Variants in DHX40 observed in about 807,000 individuals in gnomAD.
DHX40 encodes the protein DEAH-box helicase 40.
DHX40 carries 28 observed loss-of-function variants against 89.6 expected under a neutral mutation model. The ratio of observed to expected loss-of-function variants is 0.31; its 90% CI spans 0.23 to 0.43. The LOEUF (loss-of-function observed/expected upper bound fraction) is 0.43, where lower values mean the gene tolerates loss of function less well. Among genes scored for constraint, DHX40 ranks in the 20% least tolerant of loss-of-function variants. The pLI, the probability that DHX40 is intolerant of heterozygous loss-of-function variation, is 1.00. For synonymous variants in DHX40, 226 were observed against 283.6 expected (o/e 0.80, Z 2.04); for missense variants, 457 against 844.0 (o/e 0.54, Z 5.68).
chr17:59,566,599 T>C (rs964087555), intron 1 of DHX40, 28 bp from the exon 2 acceptor site: 3 of 1,555,904 alleles, frequency 1.9e-6, no homozygotes, highest in Non-Finnish European at 2.6e-6. Flanking sequence ...ACAAGTCTTT[T>C]AATTGACTTG....
intron 12 of DHX40, among the ~76,000 whole-genome samples, chr17:59,588,301 T>G (rs865976465): frequency 0.011 from 1,622 of 150,154 alleles, 17 homozygotes; most frequent in African/African-American, 0.021. Flanking sequence ...CAGAAAAATT[T>G]AGTAGGAAGT....
chr17:59,605,051 A>C, intron 15 of DHX40, 64 bp from the exon 16 acceptor site: 4 of 1,335,430 alleles, frequency 3.0e-6, no homozygotes, highest in Non-Finnish European at 4.3e-6. Flanking sequence ...TGCTGAATGT[A>C]ATGCTCCATT....
Position 59,586,005 on chromosome 17 carries a change from G to C in DHX40, c.1344-148G>C, listed in dbSNP as rs963161058. ...ATTATTTCCTCTTTTGCCAAATGCT[G>C]ATCATGATCATATAATTTTTTTTTA... On this transcript the variant is annotated intron_variant, in intron 10 of 17. Coordinates refer to ENST00000251241, the MANE Select transcript of DHX40 (RefSeq NM_024612.5). 2.6e-5 allele frequency: 17 copies of C among 654,482 alleles called. No individual in the cohort carries two copies. The African/African-American group carries it at 2.8e-4, about 11-fold the overall frequency. 40.5% of individuals were successfully genotyped at this position (654,482 alleles called of 1,614,324 possible).
intron 15 of DHX40, chr17:59,604,881 C>A (rs2030749099): frequency 4.3e-6 from 2 of 467,802 alleles, no homozygotes; most frequent in Non-Finnish European, 7.7e-6. Context: ...TGTACTGATT[C>A]CTTATACCTA....
At chr17:59,577,408 G>A (rs370144803) in intron 8 of DHX40, 43 bp downstream of exon 8, 26 of 1,509,874 alleles carry the variant, frequency 1.7e-5, no homozygotes, top group African/African-American at 5.5e-5. Context: ...GAAGCCTATC[G>A]TTACTAAACA....
At chr17:59,570,205 TATATA>T (rs1474147282) in intron 2 of DHX40, among the ~76,000 whole-genome samples, 1 of 121,698 alleles carries the variant, frequency 8.2e-6, no homozygotes, top group Non-Finnish European at 1.6e-5. Flanking sequence ...TATATTATAA[TATATA>T]TTATATATTA....
At chr17:59,566,986 C>G (rs1030174720) in intron 2 of DHX40, among the ~76,000 whole-genome samples, 192 bp downstream of exon 2, 25 of 152,112 alleles carry the variant, frequency 1.6e-4, no homozygotes, top group Non-Finnish European at 4.4e-5. Context: ...GTTGGGATGG[C>G]AAATTTTCCC....
Position 59,600,853 on chromosome 17 carries a change from A to ATTTTT in DHX40, c.1806+1387_1806+1391dup, listed in dbSNP as rs59684239. Among the ~76,000 whole-genome samples the ATTTTT allele has an allele frequency of 3.2e-3, 417 of 130,816 alleles. 6 individuals carry two copies. Among genetic ancestry groups the ATTTTT allele is most frequent in the African/African-American group, 0.012 (402 of 34,168 alleles). The allele number at this position is 130,816 out of a possible 152,430, so 85.8% of individuals were successfully genotyped here. On this transcript the variant is annotated intron_variant, in intron 14 of 17. Coordinates refer to ENST00000251241, the MANE Select transcript of DHX40 (RefSeq NM_024612.5). Reference sequence around the variant, plus strand: ...AGCAGCAGCACCCTGTCTCAAAAAAATTTTTTTTTTTTTTTTTTTTTACTG... The same window carrying ATTTTT: ...AGCAGCAGCACCCTGTCTCAAAAAAATTTTTTTTTTTTTTTTTTTTTTTTTTACTG...
rs573405862 is a variant in DHX40, at chr17:59,569,067, G to A, written c.281-1451G>A. On this transcript the variant is annotated intron_variant, in intron 2 of 17. Coordinates refer to ENST00000251241, the MANE Select transcript of DHX40 (RefSeq NM_024612.5). Reference sequence around the variant, plus strand: ...TTTTAGGCTGGGTGCAGTGGCTCATGCCTGTGATCCCAGCACATTGGGAGG... The same window carrying A: ...TTTTAGGCTGGGTGCAGTGGCTCATACCTGTGATCCCAGCACATTGGGAGG... 2.6e-5 allele frequency among the ~76,000 whole-genome samples: 4 copies of A among 152,166 alleles called. No individual in the cohort carries two copies. In the South Asian group the frequency reaches 8.3e-4, roughly 32 times the overall value.
rs2030937897 is a variant in DHX40, at chr17:59,607,473, G to A, written c.*301G>A. 1.7e-6 allele frequency: 1 copy of A among 580,356 alleles called. No individual in the cohort carries two copies. The highest frequency in any genetic ancestry group is 2.3e-5 in the South Asian group (1 of 43,898). The allele number at this position is 580,356 out of a possible 1,614,324, so 36.0% of individuals were successfully genotyped here. On this transcript the variant is annotated 3_prime_UTR_variant, in exon 18 of 18. Coordinates refer to ENST00000251241, the MANE Select transcript of DHX40 (RefSeq NM_024612.5). ...CTGGCCTTAACTGGTATCAAACGCTGTCATTGAGATGTTTTCAAAGAACAT... is the reference window on the plus strand; with the variant it reads ...CTGGCCTTAACTGGTATCAAACGCTATCATTGAGATGTTTTCAAAGAACAT...
Position 59,577,255 on chromosome 17 carries a change from A to G in DHX40, c.974-11A>G, listed in dbSNP as rs1372710195. ...TTGTAAATTGGTATTTTCTTTTTAT[A>G]TATACTTCAGATCAACAGAGGAGGA... On this transcript the variant is annotated splice_polypyrimidine_tract_variant and intron_variant, in intron 7 of 17. Coordinates refer to ENST00000251241, the MANE Select transcript of DHX40 (RefSeq NM_024612.5). 1 of 1,604,268 alleles carries G rather than the reference A, an allele frequency of 6.2e-7. No individual in the cohort carries two copies. Among genetic ancestry groups the G allele is most frequent in the Admixed American group, 1.7e-5 (1 of 59,970 alleles).
intron 12 of DHX40, among the ~76,000 whole-genome samples, chr17:59,596,840 C>G (rs2030115983): frequency 6.6e-6 from 1 of 152,168 alleles, no homozygotes; most frequent in Non-Finnish European, 1.5e-5. Context: ...ACAGGAACTG[C>G]TGCTTTGCAG....
At chr17:59,569,386 G>T (rs1333988721) in intron 2 of DHX40, among the ~76,000 whole-genome samples, 3 of 150,146 alleles carry the variant, frequency 2.0e-5, no homozygotes, top group African/African-American at 7.4e-5. Context: ...TTACTCTTGT[G>T]GCAAAAGTAA....
At position 59,605,494 on chromosome 17, in the gene DHX40, T is replaced by C. The variant is rs2030786422; in HGVS notation, c.2020T>C (p.Leu674=). ...KLEWIIFHEV[L]VTTKVYARIV... ...TGAATGGATCATTTTTCATGAGGTATTGGTTACCACCAAAGTCTACGCAAG... is the reference window on the plus strand; with the variant it reads ...TGAATGGATCATTTTTCATGAGGTACTGGTTACCACCAAAGTCTACGCAAG... The change falls in exon 17 of 18, where the codon TTG becomes CTG. Residue 674 remains leucine (L), a synonymous_variant. Transcript: ENST00000251241. 3 of 1,613,978 alleles carry C rather than the reference T, an allele frequency of 1.9e-6. No individual in the cohort carries two copies. Among genetic ancestry groups the C allele is most frequent in the Admixed American group, 1.7e-5 (1 of 60,004 alleles).
chr17:59,565,620 T>G lies in DHX40; in HGVS notation c.-52T>G, dbSNP rs758297952. 6.6e-7 allele frequency: 1 copy of G among 1,518,088 alleles called. No individual in the cohort carries two copies. The highest frequency in any genetic ancestry group is 1.2e-5 in the South Asian group (1 of 85,264). The allele number at this position is 1,518,088 out of a possible 1,614,324, so 94.0% of individuals were successfully genotyped here. The stretch of plus-strand genomic sequence containing the variant: ...TCAGGGCGCGTCCTCGTCTTTCCCC[T>G]CCCATCTCCTCAGATCGGTGGACGT... On this transcript the variant is annotated 5_prime_UTR_variant, in exon 1 of 18. Transcript: ENST00000251241.
chr17:59,588,523 G>A (rs997560414), intron 12 of DHX40, among the ~76,000 whole-genome samples: 5 of 152,036 alleles, frequency 3.3e-5, no homozygotes, highest in African/African-American at 7.3e-5. Flanking sequence ...GTAGAGGCGC[G>A]GTTTCTCCAT....
In DHX40 at chr17:59,606,562, C is replaced by T. The variant is rs150562488; in HGVS notation, c.2201-471C>T. Among the ~76,000 whole-genome samples, 457 of 152,070 alleles carry T rather than the reference C, an allele frequency of 3.0e-3. 5 individuals carry two copies. The highest frequency in any genetic ancestry group is 0.02 in the Admixed American group (299 of 15,276). On this transcript the variant is annotated intron_variant, in intron 17 of 17. Transcript: ENST00000251241. The stretch of plus-strand genomic sequence containing the variant: ...GAGATCGAGACCATCCTGGCTAACA[C>T]GGTGAAACCCCGTCTCTACTAAATA...
At chr17:59,583,651 TG>T (rs2048965629) in intron 10 of DHX40, among the ~76,000 whole-genome samples, 1 of 137,898 alleles carries the variant, frequency 7.3e-6, no homozygotes, top group African/African-American at 2.5e-5. Flanking sequence ...GAGGCCACAG[TG>T]GGCGGATTGC....
chr17:59,602,989 A>G (rs1467521465), intron 15 of DHX40, among the ~76,000 whole-genome samples: 2 of 152,166 alleles, frequency 1.3e-5, no homozygotes, highest in Non-Finnish European at 2.9e-5. Context: ...GGCTTGAGCA[A>G]GGTGGGGAGG....
Sources: allele counts gnomAD v4.1 joint callset (sites outside exome capture counted in the v4.1 genomes callset), GRCh38; gene constraint gnomAD v4.1.1; transcripts MANE v1.5; gene names NCBI Gene and HGNC (gene_info 2026-07-23, HGNC 2026-07-21).